NBAS: variants seen among roughly 807,000 people sequenced by gnomAD.
NBAS encodes NAG/BC035112 fusion.
Under a neutral mutation model 302.5 loss-of-function variants are expected in NBAS, and 219 were observed. The ratio of observed to expected loss-of-function variants is 0.72; its 90% CI spans 0.65 to 0.81. The LOEUF is 0.81. Ranked by LOEUF, NBAS falls within the 30% of genes least tolerant of loss-of-function variation. NBAS has a pLI of 0.00. For synonymous variants in NBAS, 1,118 were observed against 1,021.6 expected (o/e 1.09, Z -1.80); for missense variants, 2,932 against 2,841.6 (o/e 1.03, Z -0.72).
chr2:15,137,772 T>C, the NBAS span, among the ~76,000 whole-genome samples: 1 of 151,654 alleles, frequency 6.6e-6, no homozygotes, highest in Non-Finnish European at 1.5e-5. Flanking sequence ...AAAAGGGGGG[T>C]TGGAGTTTTT....
the NBAS span, among the ~76,000 whole-genome samples, chr2:14,780,133 A>C: frequency 6.6e-6 from 1 of 152,202 alleles, no homozygotes; most frequent in Admixed American, 6.5e-5. Flanking sequence ...ACAAGCATTT[A>C]ACCTCCCCAA....
the NBAS span, among the ~76,000 whole-genome samples, chr2:14,928,697 G>A: frequency 0.15 from 22,914 of 151,690 alleles, 1,778 homozygotes; most frequent in African/African-American, 0.18. Flanking sequence ...TCACTATGAC[G>A]TTAGTTGCTA....
intron 8 of NBAS, among the ~76,000 whole-genome samples, chr2:15,535,252 T>C (rs577569849): frequency 2.4e-4 from 36 of 152,200 alleles, no homozygotes; most frequent in Non-Finnish European, 4.7e-4. Flanking sequence ...CCAGGCGCAG[T>C]GGCTCACGCC....
At chr2:14,876,997 G>A in the NBAS span, among the ~76,000 whole-genome samples, 1 of 152,168 alleles carries the variant, frequency 6.6e-6, no homozygotes, top group Admixed American at 6.5e-5. Flanking sequence ...CTACCACTAA[G>A]CCTCTCAGTG....
the NBAS span, among the ~76,000 whole-genome samples, chr2:14,781,580 G>A: frequency 6.6e-6 from 1 of 152,074 alleles, no homozygotes; most frequent in Non-Finnish European, 1.5e-5. Context: ...CAGCAGCCAA[G>A]TCAAAGTGGT....
At chr2:14,818,129 A>G in the NBAS span, among the ~76,000 whole-genome samples, 1 of 152,098 alleles carries the variant, frequency 6.6e-6, no homozygotes, top group Non-Finnish European at 1.5e-5. Flanking sequence ...GTTTGGGAGT[A>G]TCTCAAATCT....
chr2:14,877,092 T>C, the NBAS span, among the ~76,000 whole-genome samples: 1 of 152,364 alleles, frequency 6.6e-6, no homozygotes, highest in East Asian at 1.9e-4. Context: ...GGATGATTTT[T>C]CAGGCTTGTA....
At chr2:15,520,510 A>G (rs1282979989) in intron 9 of NBAS, among the ~76,000 whole-genome samples, 1 of 152,168 alleles carries the variant, frequency 6.6e-6, no homozygotes, top group Non-Finnish European at 1.5e-5. Flanking sequence ...ATGACATAAA[A>G]TAGGGGCCAG....
At chr2:14,928,558 AGAAT>A in the NBAS span, among the ~76,000 whole-genome samples, 1 of 152,212 alleles carries the variant, frequency 6.6e-6, no homozygotes, top group Non-Finnish European at 1.5e-5. Flanking sequence ...ACAAATAATA[AGAAT>A]GATTTTTATG....
chr2:14,891,856 T>A, the NBAS span, among the ~76,000 whole-genome samples: 1 of 152,250 alleles, frequency 6.6e-6, no homozygotes, highest in African/African-American at 2.4e-5. Flanking sequence ...ATTCTACAAT[T>A]TTCTAAAATT....
At chr2:15,125,745 C>T in the NBAS span, among the ~76,000 whole-genome samples, 1 of 152,162 alleles carries the variant, frequency 6.6e-6, no homozygotes, top group African/African-American at 2.4e-5. Flanking sequence ...GGAATGTTTA[C>T]CCAATGCCTG....
intron 50 of NBAS, among the ~76,000 whole-genome samples, chr2:15,183,270 T>C (rs1287773910): frequency 6.6e-6 from 1 of 152,182 alleles, no homozygotes; most frequent in African/African-American, 2.4e-5. Context: ...GCAAATAGCC[T>C]CTAATCACAG....
At chr2:15,048,497 T>G in the NBAS span, among the ~76,000 whole-genome samples, 2 of 152,344 alleles carry the variant, frequency 1.3e-5, no homozygotes, top group South Asian at 4.1e-4. Flanking sequence ...GTATCAGGCT[T>G]TGCCTGGGAA....
chr2:15,146,746 T>A, the NBAS span, among the ~76,000 whole-genome samples: 1 of 152,098 alleles, frequency 6.6e-6, no homozygotes, highest in African/African-American at 2.4e-5. Context: ...GTCTGGCCCC[T>A]ATCCCCGTGG....
the NBAS span, among the ~76,000 whole-genome samples, chr2:15,156,105 A>T: frequency 6.6e-6 from 1 of 152,130 alleles, no homozygotes; most frequent in Non-Finnish European, 1.5e-5. Context: ...TTGCCTTCTG[A>T]GTTTTTTTTC....
At chr2:15,294,176 T>C (rs146018639) in intron 40 of NBAS, among the ~76,000 whole-genome samples, 11 of 152,302 alleles carry the variant, frequency 7.2e-5, no homozygotes, top group Non-Finnish European at 1.3e-4. Context: ...CAAGTAAGCC[T>C]AGGGTGCTCT....
chr2:14,880,922 C>A, the NBAS span, among the ~76,000 whole-genome samples: 1 of 141,836 alleles, frequency 7.1e-6, no homozygotes, highest in Non-Finnish European at 1.5e-5. Context: ...ATTTTATGGA[C>A]CTCCAGGATA....
chr2:15,531,564 A>C (rs573906038), intron 9 of NBAS, among the ~76,000 whole-genome samples: 1 of 152,244 alleles, frequency 6.6e-6, no homozygotes, highest in African/African-American at 2.4e-5. Flanking sequence ...AGGAGAATAA[A>C]TAAGTAAGAA....
At chr2:15,034,242 A>AAGAG in the NBAS span, among the ~76,000 whole-genome samples, 1 of 87,438 alleles carries the variant, frequency 1.1e-5, no homozygotes, top group South Asian at 4.2e-4. Flanking sequence ...GAAGGAAAGA[A>AAGAG]AGAAAGAAAG....
Sources: gnomAD v4.1 joint callset for allele counts (sites outside exome capture counted in the v4.1 genomes callset) on GRCh38, gnomAD v4.1.1 for gene constraint, MANE v1.5 for transcripts, NCBI Gene and HGNC (gene_info 2026-07-23, HGNC 2026-07-21) for gene names.